Variants in FCER2 observed in about 807,000 individuals in gnomAD.
FCER2 encodes the protein low affinity immunoglobulin epsilon Fc receptor.
Under a neutral mutation model 49.7 loss-of-function variants are expected in FCER2, and 38 were observed. The ratio of observed to expected loss-of-function variants is 0.76; its 90% confidence interval spans 0.59 to 1.00. The LOEUF (loss-of-function observed/expected upper bound fraction) is 1.00, where lower values mean the gene tolerates loss of function less well. Among genes scored for constraint, FCER2 ranks in the 50% least tolerant of loss-of-function variants. FCER2 has a pLI of 0.00. For synonymous variants in FCER2, 163 were observed against 164.6 expected, an observed-to-expected ratio of 0.99 and a Z score of 0.07; for missense variants, 425 against 419.5, an observed-to-expected ratio of 1.01 and a Z score of -0.11.
chr19:7,700,947 ACTACAGG>A (rs2033139933), intron 1 of FCER2, among the ~76,000 whole-genome samples: 1 of 152,130 alleles, frequency 6.6e-6, no homozygotes. Flanking sequence ...AGTAGCTGGG[ACTACAGG>A]CACCCACCAC....
Position 7,692,052 on chromosome 19 carries a change from A to T in FCER2, c.470-1495T>A, listed in dbSNP as rs1275332623. Among the ~76,000 whole-genome samples, 20 of 151,562 alleles carry T rather than the reference A, an allele frequency of 1.3e-4. 2 individuals are homozygous for T. Among genetic ancestry groups the T allele is most frequent in the Non-Finnish European group, 2.5e-4 (17 of 67,958 alleles). ...CACGTCCAACAACACATCAACTACCAACACCATCACCACGAGCACATTCAT... is the reference window on the plus strand; with the variant it reads ...CACGTCCAACAACACATCAACTACCTACACCATCACCACGAGCACATTCAT... On this transcript the variant is annotated intron_variant, in intron 8 of 10. Transcript: ENST00000597921.
rs61736324 is a variant in FCER2, at chr19:7,690,541, C to T, written c.486G>A (p.Thr162=). The change falls in exon 9 of 11, where the codon ACG becomes ACA. Residue 162 remains threonine, a synonymous_variant. Transcript: ENST00000597921. The part of the protein sequence containing the change: ...LQVSSGFVCN[T]CPEKWINFQR... ...GGAAATTGATCCACTTTTCAGGGCA[C>T]GTGTTGCACACAAAGCCTGGGGTGG... 3.0e-5 allele frequency: 49 copies of T among 1,613,980 alleles called. No homozygotes were observed. The highest frequency in any genetic ancestry group is 1.7e-4 in the Middle Eastern group (1 of 6,058).
At chr19:7,700,486 G>A (rs1022406209) in intron 1 of FCER2, among the ~76,000 whole-genome samples, 5 of 151,062 alleles carry the variant, frequency 3.3e-5, no homozygotes, top group Admixed American at 2.0e-4. Context: ...TGTCCCCAGG[G>A]CATCTGTAAA....
chr19:7,697,965 C>A (rs1455580728), intron 4 of FCER2, among the ~76,000 whole-genome samples: 1 of 152,030 alleles, frequency 6.6e-6, no homozygotes, highest in African/African-American at 2.4e-5. Flanking sequence ...TACAATGGCT[C>A]AACTTACAAT....
intron 8 of FCER2, among the ~76,000 whole-genome samples, chr19:7,693,882 C>G (rs749519762): frequency 4.0e-5 from 6 of 151,880 alleles, no homozygotes; most frequent in Admixed American, 2.6e-4. Context: ...CTCCTGACCT[C>G]ATGTGATCCA....
At chr19:7,694,829 G>C (rs11260014) in intron 8 of FCER2, among the ~76,000 whole-genome samples, 89,629 of 151,762 alleles carry the variant, frequency 0.59, 28,037 homozygotes, top group African/African-American at 0.82. Flanking sequence ...AGTTCCTACC[G>C]TACAGTAATT....
chr19:7,693,575 C>T (rs1469519696), intron 8 of FCER2, among the ~76,000 whole-genome samples: 1 of 152,040 alleles, frequency 6.6e-6, no homozygotes, highest in African/African-American at 2.4e-5. Context: ...AGCAAAAACC[C>T]GCTTTAAGTA....
At chr19:7,694,592 G>A (rs1437085024) in intron 8 of FCER2, among the ~76,000 whole-genome samples, 1 of 152,254 alleles carries the variant, frequency 6.6e-6, no homozygotes, top group African/African-American at 2.4e-5. Flanking sequence ...AGTTGTCATG[G>A]TCCAGAGTGC....
chr19:7,700,130 A>C (rs1298302218), intron 1 of FCER2: 4 of 246,008 alleles, frequency 1.6e-5, no homozygotes, highest in African/African-American at 9.0e-5. Flanking sequence ...TTCTTTCCTC[A>C]TTCGTAAAAT....
intron 1 of FCER2, among the ~76,000 whole-genome samples, chr19:7,700,795 G>A (rs1301649949): frequency 6.6e-6 from 1 of 151,152 alleles, no homozygotes; most frequent in African/African-American, 2.4e-5. Flanking sequence ...TTACAGGCGT[G>A]AGCCACTGTG....
At chr19:7,697,985 T>G (rs976730654) in intron 4 of FCER2, among the ~76,000 whole-genome samples, 52 of 152,192 alleles carry the variant, frequency 3.4e-4, no homozygotes, top group Non-Finnish European at 1.5e-5. Flanking sequence ...TAGCTCGAGT[T>G]ACAATGGCTC....
intron 8 of FCER2, among the ~76,000 whole-genome samples, chr19:7,696,525 C>A (rs539528649): frequency 2.6e-5 from 4 of 152,090 alleles, no homozygotes; most frequent in Non-Finnish European, 4.4e-5. Context: ...TGTGAGCCAC[C>A]GCGCCTGGCC....
In FCER2 at chr19:7,698,999, C is replaced by T. The variant is rs369921807; in HGVS notation, c.23-145G>A. 10 of 790,420 alleles carry T rather than the reference C, an allele frequency of 1.3e-5. No individual in the cohort carries two copies. The African/African-American group carries it at 1.4e-4, about 11-fold the overall frequency. 49.0% of individuals were successfully genotyped at this position (790,420 alleles called of 1,614,324 possible). A position where few individuals can be genotyped will look rare whatever the true frequency, so the allele number is the denominator to read the frequency against. ...GCAAAGGGTCTCAGTGGACCCCCAG[C>T]TCCATTTGCACAGCTTCCTTACCTG... is the stretch of plus-strand genomic sequence containing the variant. On this transcript the variant is annotated intron_variant, in intron 2 of 10. Coordinates refer to ENST00000597921, the MANE Select transcript of FCER2 (RefSeq NM_001220500.2).
chr19:7,688,986 G>C lies in FCER2; in HGVS notation c.*207C>G. ...GTTGGGGTGTACTCTCATCTGGAGA[G>C]GGTGCTGTTGGGGGCACTCCCATCT... On this transcript the variant is annotated 3_prime_UTR_variant, in exon 11 of 11. Coordinates refer to ENST00000597921, the MANE Select transcript of FCER2 (RefSeq NM_001220500.2). 1.7e-6 allele frequency: 1 copy of C among 588,606 alleles called. No individual in the cohort carries two copies. Among genetic ancestry groups the C allele is most frequent in the Non-Finnish European group, 3.0e-6 (1 of 328,884 alleles). 36.5% of individuals were successfully genotyped at this position (588,606 alleles called of 1,614,324 possible).
Position 7,690,409 on chromosome 19 carries a change from C to T in FCER2, c.618G>A (p.Glu206=). The T allele has an allele frequency of 6.2e-7, 1 of 1,613,598 alleles. No individual in the cohort carries two copies. The change falls in exon 9 of 11, where the codon GAG becomes GAA. Residue 206 remains glutamate (E), a synonymous_variant. Coordinates refer to ENST00000597921, the MANE Select transcript of FCER2 (RefSeq NM_001220500.2). ...GQLVSIHSPE[E]QDFLTKHASH... ...CCTCTGCAGAGCCCCAGCCCACCTG[C>T]TCCTCCGGGCTGTGGATGCTGACCA...
At chr19:7,698,968 A>C in intron 2 of FCER2, 114 bp from the exon 3 acceptor site, 1 of 1,132,526 alleles carries the variant, frequency 8.8e-7, no homozygotes, top group Non-Finnish European at 1.3e-6. Flanking sequence ...CAGAGCCCAC[A>C]CTGAAGCAAA....
rs2032828496 is a variant in FCER2 at position 7,690,350 on chromosome 19, G to A, written c.621+56C>T. ...TTCGAGAGGTTGGGTAGAGTGGGGT[G>A]GGGGTCCCCCCACCCTCGCCATGCT... On this transcript the variant is annotated intron_variant, in intron 9 of 10. Transcript: ENST00000597921. 1.8e-5 allele frequency: 28 copies of A among 1,598,376 alleles called. No homozygotes were observed. In the East Asian group the frequency reaches 5.2e-4, roughly 29 times the overall value.
chr19:7,698,717 A>G, intron 3 of FCER2, 24 bp downstream of exon 3: 3 of 1,608,544 alleles, frequency 1.9e-6, no homozygotes, highest in Non-Finnish European at 2.5e-6. Context: ...TGGGGGGACC[A>G]CATGGAGCTG....
chr19:7,698,372 C>G lies in FCER2; in HGVS notation c.174G>C (p.Glu58Asp). Residue 58 changes from glutamate to aspartate, a missense_variant, in exon 4 of 11, where the codon GAG becomes GAC. Glu to Asp is a conservative substitution (Grantham distance 45). Coordinates refer to ENST00000597921, the MANE Select transcript of FCER2 (RefSeq NM_001220500.2). Reference protein sequence around the residue: ...DTTQSLKQLEERAARNVSQVS... With the variant: ...DTTQSLKQLEDRAARNVSQVS... ...CCTTCATACCGTTCCGGGCAGCCCT[C>G]TCTTCCAGCTGTTTTAGACTCTGTG... 6.2e-7 allele frequency: 1 copy of G among 1,612,620 alleles called. No homozygotes were observed. Among genetic ancestry groups the G allele is most frequent in the Non-Finnish European group, 8.5e-7 (1 of 1,179,094 alleles).
Sources: allele counts gnomAD v4.1 joint callset (sites outside exome capture counted in the v4.1 genomes callset), GRCh38; gene constraint gnomAD v4.1.1; transcripts MANE v1.5; gene names NCBI Gene and HGNC (gene_info 2026-07-23, HGNC 2026-07-21).